Variants in ARHGAP15 observed in about 807,000 individuals in gnomAD.
ARHGAP15 encodes the protein Rho GTPase activating protein 15, also known as rho GTPase-activating protein 15.
Under a neutral mutation model 63.7 loss-of-function variants are expected in ARHGAP15, and 51 were observed. That is an observed-to-expected ratio of 0.80 (90% CI 0.64 to 1.01). The LOEUF is 1.01. ARHGAP15 is among the 50% of genes least tolerant of loss of function. ARHGAP15 has a pLI of 0.00. For synonymous variants in ARHGAP15, 191 were observed against 193.8 expected (o/e 0.99, Z 0.12); for missense variants, 560 against 564.6 (o/e 0.99, Z 0.08).
chr2:143,656,934 G>GGTGTGTGTGTGTGTGTGTGTGTGTGTGT lies in ARHGAP15; in HGVS notation c.1138+32680_1138+32707dup, dbSNP rs5834961. The stretch of plus-strand genomic sequence containing the variant: ...ACAAGGTTTCTAAGACAAAGTTTCT[G>GGTGTGTGTGTGTGTGTGTGTGTGTGTGT]GTGTGTGTGTGTGTGTGTGTGTGTG... On this transcript the variant is annotated intron_variant, in intron 12 of 13. Transcript: ENST00000295095. Among the ~76,000 whole-genome samples the GGTGTGTGTGTGTGTGTGTGTGTGTGTGT allele has an allele frequency of 6.9e-3, 1,003 of 144,986 alleles. 15 individuals are homozygous for GGTGTGTGTGTGTGTGTGTGTGTGTGTGT. The highest frequency in any genetic ancestry group is 0.011 in the South Asian group (50 of 4,392).
At chr2:143,724,870 C>T (rs1040461410) in intron 13 of ARHGAP15, among the ~76,000 whole-genome samples, 1 of 152,186 alleles carries the variant, frequency 6.6e-6, no homozygotes, top group Non-Finnish European at 1.5e-5. Context: ...TAGTAATACA[C>T]AACTTCTGCT....
At chr2:143,649,824 C>G (rs1681072141) in intron 12 of ARHGAP15, among the ~76,000 whole-genome samples, 1 of 138,672 alleles carries the variant, frequency 7.2e-6, no homozygotes, top group Non-Finnish European at 1.6e-5. Context: ...CTTTGAACAA[C>G]TAGAACTCAG....
chr2:143,366,023 A>T (rs1009726089), intron 6 of ARHGAP15, among the ~76,000 whole-genome samples: 1 of 152,116 alleles, frequency 6.6e-6, no homozygotes, highest in Admixed American at 6.5e-5. Context: ...TGAATGACCA[A>T]TTGAAAAGAA....
chr2:143,289,024 A>T (rs1008758546), intron 6 of ARHGAP15, among the ~76,000 whole-genome samples: 1 of 152,148 alleles, frequency 6.6e-6, no homozygotes, highest in Non-Finnish European at 1.5e-5. Context: ...AGGTTCAGTG[A>T]TCTGTCAACA....
intron 2 of ARHGAP15, among the ~76,000 whole-genome samples, chr2:143,181,619 A>C (rs2105070158): frequency 6.6e-6 from 1 of 152,330 alleles, no homozygotes; most frequent in Non-Finnish European, 1.5e-5. Flanking sequence ...TGCTGCCTTC[A>C]GACTTTTCTT....
intron 9 of ARHGAP15, among the ~76,000 whole-genome samples, chr2:143,488,166 T>A (rs760116298): frequency 1.7e-4 from 26 of 152,254 alleles, no homozygotes; most frequent in Non-Finnish European, 2.8e-4. Context: ...CAAGTTATGA[T>A]CTTCTCTGTG....
intron 2 of ARHGAP15, among the ~76,000 whole-genome samples, chr2:143,190,352 A>G (rs773151428): frequency 8.5e-5 from 13 of 152,174 alleles, no homozygotes; most frequent in Non-Finnish European, 1.3e-4. Flanking sequence ...CGGATATCCA[A>G]ATTTTAGTGT....
chr2:143,569,620 A>G (rs535116514), intron 11 of ARHGAP15, among the ~76,000 whole-genome samples: 1 of 152,370 alleles, frequency 6.6e-6, no homozygotes, highest in African/African-American at 2.4e-5. Context: ...GGCCTTGCCA[A>G]TCAAGATTAG....
chr2:143,340,646 C>T (rs370968715), intron 6 of ARHGAP15, among the ~76,000 whole-genome samples: 3 of 151,870 alleles, frequency 2.0e-5, no homozygotes, highest in African/African-American at 7.2e-5. Context: ...AATTGGAAAA[C>T]TCAGGGTGTC....
At chr2:143,511,433 C>A (rs1444898868) in intron 9 of ARHGAP15, among the ~76,000 whole-genome samples, 1 of 152,054 alleles carries the variant, frequency 6.6e-6, no homozygotes, top group Non-Finnish European at 1.5e-5. Flanking sequence ...AATATTGGCA[C>A]CCCTAGCAAG....
rs77361019 is a variant in ARHGAP15 at position 143,442,756 on chromosome 2, T to C, written c.703+5714T>C. Among the ~76,000 whole-genome samples the C allele has an allele frequency of 3.0e-3, 458 of 150,616 alleles. 3 individuals are homozygous for C. The highest frequency in any genetic ancestry group is 0.011 in the African/African-American group (442 of 40,646). ...AAGTGATCATGATCCTATTGTTTCA[T>C]TTTTTTTTGTATGTTTGAAAAGTTC... On this transcript the variant is annotated intron_variant, in intron 8 of 13. Transcript: ENST00000295095.
At chr2:143,388,561 T>A (rs990647508) in intron 6 of ARHGAP15, among the ~76,000 whole-genome samples, 1 of 152,096 alleles carries the variant, frequency 6.6e-6, no homozygotes, top group Non-Finnish European at 1.5e-5. Context: ...CAACTAAATA[T>A]GTATTTGCTC....
At chr2:143,762,695 G>T (rs1340848897) in intron 13 of ARHGAP15, among the ~76,000 whole-genome samples, 1 of 150,116 alleles carries the variant, frequency 6.7e-6, no homozygotes, top group South Asian at 2.1e-4. Context: ...GTTAAAGATT[G>T]GCAAGGATTT....
intron 12 of ARHGAP15, among the ~76,000 whole-genome samples, chr2:143,699,528 C>T (rs537436990): frequency 2.0e-5 from 3 of 152,182 alleles, no homozygotes; most frequent in African/African-American, 7.2e-5. Context: ...ACTTGGAAAC[C>T]GACATGTACT....
At chr2:143,357,073 C>G (rs1309957440) in intron 6 of ARHGAP15, among the ~76,000 whole-genome samples, 1 of 152,154 alleles carries the variant, frequency 6.6e-6, no homozygotes, top group Non-Finnish European at 1.5e-5. Context: ...ATCACCACAC[C>G]TGAATATGGA....
intron 11 of ARHGAP15, among the ~76,000 whole-genome samples, chr2:143,605,414 C>A (rs1437025032): frequency 2.0e-5 from 3 of 152,092 alleles, no homozygotes; most frequent in African/African-American, 7.2e-5. Flanking sequence ...ACATAATTAG[C>A]ACCTTAAACT....
intron 6 of ARHGAP15, among the ~76,000 whole-genome samples, chr2:143,252,811 C>A (rs911098322): frequency 6.6e-6 from 1 of 151,936 alleles, no homozygotes; most frequent in Non-Finnish European, 1.5e-5. Context: ...AAAAAAGCGT[C>A]GGGAAGGATT....
chr2:143,465,986 G>A (rs376294205), intron 8 of ARHGAP15, among the ~76,000 whole-genome samples: 3 of 152,162 alleles, frequency 2.0e-5, no homozygotes, highest in African/African-American at 7.2e-5. Context: ...GTAAACAAAC[G>A]GATGCCTTGA....
chr2:143,441,061 T>TA (rs1380343217), intron 8 of ARHGAP15, among the ~76,000 whole-genome samples: 1 of 152,096 alleles, frequency 6.6e-6, no homozygotes, highest in Admixed American at 6.5e-5. Context: ...ATTAGACATG[T>TA]AAATACTTAG....
Sources: gnomAD v4.1 joint callset for allele counts (sites outside exome capture counted in the v4.1 genomes callset) on GRCh38, gnomAD v4.1.1 for gene constraint, MANE v1.5 for transcripts, NCBI Gene and HGNC (gene_info 2026-07-23, HGNC 2026-07-21) for gene names.